The following EMC3 variants were observed in gnomAD, a reference collection of about 807,000 sequenced individuals.
The protein encoded by EMC3 is ER membrane protein complex subunit 3, also known as 30 kDa protein.
A neutral mutation model predicts 36.6 loss-of-function variants in EMC3; 13 were observed. That is an observed-to-expected ratio of 0.35 (90% CI 0.23 to 0.56). EMC3 has a LOEUF of 0.56. Ranked by LOEUF, EMC3 falls within the 20% of genes least tolerant of loss-of-function variation. EMC3 has a pLI of 0.84. For synonymous variants in EMC3, 120 were observed against 111.9 expected (o/e 1.07, Z -0.46); for missense variants, 220 against 324.5 (o/e 0.68, Z 2.47).
intron 1 of EMC3, among the ~76,000 whole-genome samples, chr3:9,992,069 T>G (rs2086060069): frequency 6.6e-6 from 1 of 152,114 alleles, no homozygotes; most frequent in African/African-American, 2.4e-5. Flanking sequence ...GACTCCGTGA[T>G]CCAGGAGTTG....
intron 3 of EMC3, among the ~76,000 whole-genome samples, chr3:9,975,421 G>A (rs531060065): frequency 6.6e-6 from 1 of 151,726 alleles, no homozygotes; most frequent in Admixed American, 6.6e-5. Context: ...TGCCACTCCC[G>A]CCAATGGTGA....
At chr3:9,977,700 T>C (rs1398420124) in intron 1 of EMC3, among the ~76,000 whole-genome samples, 1 of 152,188 alleles carries the variant, frequency 6.6e-6, no homozygotes, top group African/African-American at 2.4e-5. Context: ...TTAGGTACAT[T>C]TGGGACATTA....
rs1468371656 is a variant in EMC3, at chr3:9,970,572, T to G, written c.574+10A>C. On this transcript the variant is annotated intron_variant, in intron 6 of 7. Transcript: ENST00000245046. Reference sequence around the variant, plus strand: ...AAGTATTTGCTTAGTAAACCTGACATGCTTCTTACCATTATCTTGGCCCAG... The same window carrying G: ...AAGTATTTGCTTAGTAAACCTGACAGGCTTCTTACCATTATCTTGGCCCAG... 1.2e-6 allele frequency: 2 copies of G among 1,614,048 alleles called. No homozygotes were observed. The highest frequency in any genetic ancestry group is 1.7e-6 in the Non-Finnish European group (2 of 1,179,896).
chr3:10,009,659 G>C (rs188734104), intron 1 of EMC3, among the ~76,000 whole-genome samples: 1 of 152,270 alleles, frequency 6.6e-6, no homozygotes, highest in African/African-American at 2.4e-5. Flanking sequence ...CCCGTGGGGC[G>C]TTTGGATTAC....
At chr3:10,008,414 A>T (rs373591604) in intron 1 of EMC3, 1 of 1,367,554 alleles carries the variant, frequency 7.3e-7, no homozygotes, top group Non-Finnish European at 9.8e-7. Flanking sequence ...CTGGGCCGGC[A>T]TGCAGGCCGG....
chr3:10,002,679 T>C, intron 1 of EMC3: 1 of 377,964 alleles, frequency 2.6e-6, no homozygotes, highest in East Asian at 7.6e-5. Flanking sequence ...CATCCCTGGC[T>C]CAACAAGCCC....
chr3:10,000,165 A>C (rs2086180166), intron 1 of EMC3, among the ~76,000 whole-genome samples: 1 of 152,134 alleles, frequency 6.6e-6, no homozygotes, highest in African/African-American at 2.4e-5. Context: ...CAGCCTCCCA[A>C]GTAGCTGGGA....
intron 1 of EMC3, chr3:10,004,321 C>T (rs1222091157): frequency 1.3e-5 from 2 of 152,192 alleles, no homozygotes; most frequent in East Asian, 3.9e-4. Flanking sequence ...AAGAACAAAT[C>T]CTGGACCACC....
At chr3:9,980,432 C>T (rs565995136) in intron 1 of EMC3, among the ~76,000 whole-genome samples, 2 of 151,156 alleles carry the variant, frequency 1.3e-5, no homozygotes, top group East Asian at 3.9e-4. Flanking sequence ...GTGGTACAAT[C>T]TTGGCTCATG....
At chr3:9,998,553 T>A (rs1390938546) in intron 1 of EMC3, among the ~76,000 whole-genome samples, 1 of 151,790 alleles carries the variant, frequency 6.6e-6, no homozygotes, top group Non-Finnish European at 1.5e-5. Flanking sequence ...CCTCAGCCTC[T>A]TGAGTACCTG....
At chr3:9,985,423 T>C (rs933458579) in intron 1 of EMC3, among the ~76,000 whole-genome samples, 3 of 152,222 alleles carry the variant, frequency 2.0e-5, no homozygotes, top group East Asian at 1.9e-4. Context: ...CAGAACTGAC[T>C]GAAAATTGCT....
At chr3:10,003,564 C>G (rs1363103292) in intron 1 of EMC3, 1 of 269,664 alleles carries the variant, frequency 3.7e-6, no homozygotes. Flanking sequence ...CACCATTGGC[C>G]GTGGCACGTT....
At chr3:9,979,616 C>A (rs2085888426) in intron 1 of EMC3, among the ~76,000 whole-genome samples, 1 of 152,278 alleles carries the variant, frequency 6.6e-6, no homozygotes, top group African/African-American at 2.4e-5. Flanking sequence ...GATCAAAATA[C>A]AAATATCTTA....
chr3:9,986,797 G>C lies in EMC3; in HGVS notation c.-136C>G, dbSNP rs2085979223. On this transcript the variant is annotated 5_prime_UTR_variant, in exon 1 of 8. Coordinates refer to ENST00000245046, the MANE Select transcript of EMC3 (RefSeq NM_001394674.1). Reference sequence around the variant, plus strand: ...TACCCCAGAACTCTCCTGCGACTGTGAGCCGAGCTTACTGCCTTCAGCTGG... The same window carrying C: ...TACCCCAGAACTCTCCTGCGACTGTCAGCCGAGCTTACTGCCTTCAGCTGG... The C allele has an allele frequency of 2.1e-6, 3 of 1,462,014 alleles. No homozygotes were observed. The highest frequency in any genetic ancestry group is 2.7e-6 in the Non-Finnish European group (3 of 1,106,034). 90.6% of individuals were successfully genotyped at this position (1,462,014 alleles called of 1,614,324 possible).
In EMC3 at chr3:9,973,556, C is replaced by G. The variant is rs937450510; in HGVS notation, c.494+72G>C. 9.3e-6 allele frequency: 13 copies of G among 1,396,302 alleles called. No homozygotes were observed. In the Admixed American group the frequency reaches 2.2e-4, roughly 24 times the overall value. The allele number at this position is 1,396,302 out of a possible 1,614,324, so 86.5% of individuals were successfully genotyped here. ...CCCAGGCTGGTCTCAAACTCATGGG[C>G]TCAAGTGATCCTCCCGCCTTGGCTT... On this transcript the variant is annotated intron_variant, in intron 5 of 7. Coordinates refer to ENST00000245046, the MANE Select transcript of EMC3 (RefSeq NM_001394674.1).
In EMC3 at chr3:10,006,728, G is replaced by A. The variant is rs572790260; in HGVS notation, c.-242+4295C>T. The A allele has an allele frequency of 1.0e-4, 30 of 294,376 alleles. 2 individuals carry two copies. Among genetic ancestry groups the A allele is most frequent in the South Asian group, 8.3e-4 (30 of 36,170 alleles). 18.2% of individuals were successfully genotyped at this position (294,376 alleles called of 1,614,324 possible). On this transcript the variant is annotated intron_variant, in intron 1 of 8. Transcript: ENST00000470827. ...GTTTTGACATGTAGTGCACAGCAGA[G>A]TGACCAGAGTCAATGAGAATGTGTT...
In EMC3 at chr3:9,964,141, T is replaced by C. The variant is rs759860903; in HGVS notation, c.714A>G (p.Glu238=). 1.9e-6 allele frequency: 3 copies of C among 1,614,192 alleles called. No individual in the cohort carries two copies. The highest frequency in any genetic ancestry group is 1.3e-5 in the African/African-American group (1 of 75,048). The change falls in exon 8 of 8, where the codon GAA becomes GAG. Residue 238 remains glutamate, a synonymous_variant. Coordinates refer to ENST00000245046, the MANE Select transcript of EMC3 (RefSeq NM_001394674.1). ...TDHQWALDDV[E]EELMAKDLHF... ...GGAGGTCTTTGGCCATGAGCTCTTC[T>C]TCGACATCATCTAGTGCCCACTGGT...
At position 9,977,048 on chromosome 3, in the gene EMC3, A is replaced by G; in HGVS notation, c.216T>C (p.Ser72=). The G allele has an allele frequency of 6.3e-7, 1 of 1,589,940 alleles. No homozygotes were observed. The highest frequency in any genetic ancestry group is 1.1e-5 in the South Asian group (1 of 87,136). ...TGAAATAATATTTTCGTGTCAAGAA[A>G]GACTAGTAAAAAAAAAAAAAAGTGT... is the stretch of plus-strand genomic sequence containing the variant. ...RENGKYIPKQ[S]FLTRKYYFNN... The change falls in exon 3 of 8, where the codon TCT becomes TCC. Residue 72 remains serine, a splice_region_variant and synonymous_variant. Coordinates refer to ENST00000245046, the MANE Select transcript of EMC3 (RefSeq NM_001394674.1).
At position 9,964,168 on chromosome 3, in the gene EMC3, A is replaced by G. The variant is rs1575670256; in HGVS notation, c.687T>C (p.Asp229=). 1 of 1,614,114 alleles carries G rather than the reference A, an allele frequency of 6.2e-7. No homozygotes were observed. The highest frequency in any genetic ancestry group is 2.2e-5 in the East Asian group (1 of 44,876). ...CGACATCATCTAGTGCCCACTGGTG[A>G]TCCGTCAGCTCCAAAGCTTCCCACT... ...KTEWEALELT[D]HQWALDDVEE... is the part of the protein sequence containing the mutation. Residue 229 remains aspartate, a synonymous_variant, in exon 8 of 8, where the codon GAT becomes GAC. Transcript: ENST00000245046.
Sources: gnomAD v4.1 joint callset for allele counts (sites outside exome capture counted in the v4.1 genomes callset) on GRCh38, gnomAD v4.1.1 for gene constraint, MANE v1.5 for transcripts, NCBI Gene and HGNC (gene_info 2026-07-23, HGNC 2026-07-21) for gene names.